XRCC4: variants seen among roughly 807,000 people sequenced by gnomAD.
The protein encoded by XRCC4 is DNA repair protein XRCC4.
In XRCC4, 28 loss-of-function variants were observed where a neutral mutation model predicts 39.1. The observed-to-expected ratio is 0.72, with a 90% CI of 0.53 to 0.98. XRCC4 has a LOEUF of 0.98. XRCC4 is among the 50% of genes least tolerant of loss of function. XRCC4 has a pLI of 0.00. For missense variants in XRCC4, 350 were observed against 376.4 expected (o/e 0.93, Z 0.58); for synonymous variants, 123 against 126.4 (o/e 0.97, Z 0.18).
chr5:83,345,551 G>A (rs55997711), intron 7 of XRCC4, among the ~76,000 whole-genome samples: 3,696 of 152,132 alleles, frequency 0.024, 50 homozygotes, highest in South Asian at 0.065. Flanking sequence ...GTGTTATGGC[G>A]CCATCAATCA....
In XRCC4 at chr5:83,241,466, C is replaced by T. The variant is rs28360209; in HGVS notation, c.746-17064C>T. On this transcript the variant is annotated intron_variant, in intron 6 of 7. Coordinates refer to ENST00000396027, the MANE Select transcript of XRCC4 (RefSeq NM_003401.5). ...TTCTGTTAAATAAAATAGTACTTCC[C>T]TACTCTCAGTTCACTGATCTTTTTT... is the stretch of plus-strand genomic sequence containing the variant. 5.9e-3 allele frequency among the ~76,000 whole-genome samples: 903 copies of T among 152,200 alleles called. 12 individuals carry two copies. The highest frequency in any genetic ancestry group is 0.021 in the African/African-American group (867 of 41,526).
intron 3 of XRCC4, among the ~76,000 whole-genome samples, chr5:83,118,849 A>C (rs1267453403): frequency 6.6e-6 from 1 of 152,232 alleles, no homozygotes; most frequent in Non-Finnish European, 1.5e-5. Flanking sequence ...TTTTGTTGCA[A>C]GGATGTTTGT....
intron 3 of XRCC4, among the ~76,000 whole-genome samples, chr5:83,178,764 T>C (rs1750075108): frequency 6.6e-6 from 1 of 152,180 alleles, no homozygotes; most frequent in South Asian, 2.1e-4. Flanking sequence ...GGAGAGAGGA[T>C]AATCGACATC....
chr5:83,247,352 A>G (rs1476270666), intron 6 of XRCC4, among the ~76,000 whole-genome samples: 1 of 152,118 alleles, frequency 6.6e-6, no homozygotes, highest in Non-Finnish European at 1.5e-5. Context: ...GCCGCACAGC[A>G]GTCAGTGAGG....
chr5:83,226,113 A>T (rs1752281618), intron 6 of XRCC4, among the ~76,000 whole-genome samples: 1 of 151,956 alleles, frequency 6.6e-6, no homozygotes, highest in Non-Finnish European at 1.5e-5. Flanking sequence ...GCCCACTTAA[A>T]AGTGCTTCTT....
At chr5:83,128,046 C>T (rs182411677) in intron 3 of XRCC4, among the ~76,000 whole-genome samples, 31 of 151,992 alleles carry the variant, frequency 2.0e-4, no homozygotes, top group African/African-American at 7.5e-4. Flanking sequence ...CATATGTATA[C>T]ATGTGCCATG....
chr5:83,286,484 TG>T (rs1319329561), intron 7 of XRCC4, among the ~76,000 whole-genome samples: 3 of 152,208 alleles, frequency 2.0e-5, no homozygotes, highest in Admixed American at 2.0e-4. Flanking sequence ...GTCTGAAATA[TG>T]TATGGCAAGC....
At chr5:83,086,825 C>CT (rs1245814470) in intron 1 of XRCC4, among the ~76,000 whole-genome samples, 1 of 151,946 alleles carries the variant, frequency 6.6e-6, no homozygotes, top group Admixed American at 6.6e-5. Context: ...CTGGTTCTCT[C>CT]TCTTTCTCAT....
At chr5:83,202,938 A>G (rs988669874) in intron 4 of XRCC4, among the ~76,000 whole-genome samples, 4 of 152,156 alleles carry the variant, frequency 2.6e-5, no homozygotes, top group Admixed American at 2.0e-4. Flanking sequence ...AAATTTGAAG[A>G]TATGTAGTGT....
At chr5:83,235,334 C>CAAAAAAAAA (rs57372204) in intron 6 of XRCC4, among the ~76,000 whole-genome samples, 10 of 58,520 alleles carry the variant, frequency 1.7e-4, no homozygotes, top group South Asian at 6.0e-4. Context: ...GACCCTATCT[C>CAAAAAAAAA]AAAAAAAAAA....
chr5:83,239,356 A>C (rs1752813865), intron 6 of XRCC4, among the ~76,000 whole-genome samples: 1 of 152,206 alleles, frequency 6.6e-6, no homozygotes, highest in South Asian at 2.1e-4. Context: ...TGAATGTTTA[A>C]CTGCTTCATA....
chr5:83,108,107 G>T (rs1437516004), intron 2 of XRCC4, among the ~76,000 whole-genome samples: 1 of 151,802 alleles, frequency 6.6e-6, no homozygotes, highest in Non-Finnish European at 1.5e-5. Flanking sequence ...TTGTTTTTTG[G>T]TCATGTTGGG....
At chr5:83,236,928 TAAGAC>T (rs1752713034) in intron 6 of XRCC4, among the ~76,000 whole-genome samples, 1 of 151,418 alleles carries the variant, frequency 6.6e-6, no homozygotes, top group East Asian at 1.9e-4. Context: ...TTTCTCAAAA[TAAGAC>T]ATACAAATGG....
intron 7 of XRCC4, among the ~76,000 whole-genome samples, chr5:83,310,013 A>G (rs1400880967): frequency 5.9e-5 from 9 of 152,152 alleles, no homozygotes; most frequent in Admixed American, 5.9e-4. Context: ...CAAATAATTA[A>G]CTACCGGTGA....
intron 3 of XRCC4, among the ~76,000 whole-genome samples, chr5:83,154,509 A>G (rs566698926): frequency 5.3e-5 from 8 of 152,308 alleles, no homozygotes; most frequent in African/African-American, 1.9e-4. Flanking sequence ...CATTTCAGAT[A>G]AGGGATATGC....
intron 3 of XRCC4, among the ~76,000 whole-genome samples, chr5:83,170,307 G>A (rs1749664979): frequency 6.6e-6 from 1 of 152,016 alleles, no homozygotes; most frequent in South Asian, 2.1e-4. Context: ...AACACCAGTA[G>A]TTATTTCTCT....
intron 1 of XRCC4, among the ~76,000 whole-genome samples, chr5:83,079,053 C>T (rs1366655477): frequency 6.6e-6 from 1 of 152,142 alleles, no homozygotes; most frequent in East Asian, 1.9e-4. Flanking sequence ...ATCTTTGTTA[C>T]ATATAAAGGT....
At position 83,191,253 on chromosome 5, in the gene XRCC4, T is replaced by G. The variant is rs28668182; in HGVS notation, c.316-4517T>G. ...GAGGCCAATGTAGGCTGATATGGTT[T>G]GGCTGTGTCTCCATCCATATCTCAT... On this transcript the variant is annotated intron_variant, in intron 3 of 7. Coordinates refer to ENST00000396027, the MANE Select transcript of XRCC4 (RefSeq NM_003401.5). Among the ~76,000 whole-genome samples, 452 of 152,354 alleles carry G rather than the reference T, an allele frequency of 3.0e-3. 2 individuals carry two copies. The highest frequency in any genetic ancestry group is 0.01 in the African/African-American group (432 of 41,574).
At chr5:83,321,541 A>G (rs1003041921) in intron 7 of XRCC4, among the ~76,000 whole-genome samples, 18 of 152,198 alleles carry the variant, frequency 1.2e-4, no homozygotes, top group African/African-American at 1.9e-4. Context: ...CTATTAAGCC[A>G]CAGAAAATAT....
Sources: gnomAD v4.1 joint callset for allele counts (sites outside exome capture counted in the v4.1 genomes callset) on GRCh38, gnomAD v4.1.1 for gene constraint, MANE v1.5 for transcripts, NCBI Gene and HGNC (gene_info 2026-07-23, HGNC 2026-07-21) for gene names.